VPS45: variants seen among roughly 807,000 people sequenced by gnomAD.
The protein encoded by VPS45 is vacuolar protein sorting-associated protein 45.
VPS45 carries 35 observed loss-of-function variants against 75.9 expected under a neutral mutation model. The ratio of observed to expected loss-of-function variants is 0.46; its 90% confidence interval spans 0.35 to 0.61. The LOEUF (loss-of-function observed/expected upper bound fraction) is 0.61, where lower values mean the gene tolerates loss of function less well. Among genes scored for constraint, VPS45 ranks in the 20% least tolerant of loss-of-function variants. The probability of loss-of-function intolerance (pLI) is 0.00; values close to 1 mark genes in which losing one functional copy is unlikely to be tolerated. For missense variants in VPS45, 559 were observed against 685.9 expected, an observed-to-expected ratio of 0.81 and a Z score of 2.07; for synonymous variants, 220 against 238.2, an observed-to-expected ratio of 0.92 and a Z score of 0.70.
At chr1:150,124,729 T>TTG (rs1436440612) in intron 14 of VPS45, among the ~76,000 whole-genome samples, 1 of 149,370 alleles carries the variant, frequency 6.7e-6, no homozygotes, top group Non-Finnish European at 1.5e-5. Flanking sequence ...TTTTTTTTTT[T>TTG]TGTATTTTTA....
At chr1:150,067,669 TC>T, upstream of VPS45, 1 of 549,152 alleles carries the variant, frequency 1.8e-6, no homozygotes, top group Non-Finnish European at 3.2e-6. Flanking sequence ...GATTTTTCCA[TC>T]CCCGGGGTAG....
intron 13 of VPS45, chr1:150,109,198 AT>A (rs1389983980): frequency 6.6e-6 from 1 of 151,922 alleles, no homozygotes; most frequent in Admixed American, 6.6e-5. Flanking sequence ...CGCCCAGCTA[AT>A]TTTGTATTTT....
intron 13 of VPS45, among the ~76,000 whole-genome samples, chr1:150,103,512 C>T (rs1657156509): frequency 6.6e-6 from 1 of 152,168 alleles, no homozygotes. Context: ...AAGAGCCTAT[C>T]CCTGTATCTA....
chr1:150,092,174 A>C, intron 11 of VPS45, 79 bp downstream of exon 11: 1 of 1,534,378 alleles, frequency 6.5e-7, no homozygotes, highest in Non-Finnish European at 8.9e-7. Flanking sequence ...ATGATAAATC[A>C]TACTATTTTT....
chr1:150,101,454 G>A (rs1438820922), intron 13 of VPS45, among the ~76,000 whole-genome samples: 1 of 151,962 alleles, frequency 6.6e-6, no homozygotes, highest in Non-Finnish European at 1.5e-5. Flanking sequence ...TCAAAAAATA[G>A]GCTGGGCATG....
At chr1:150,134,393 T>C (rs11587963) in intron 14 of VPS45, among the ~76,000 whole-genome samples, 3 of 152,130 alleles carry the variant, frequency 2.0e-5, no homozygotes, top group Middle Eastern at 3.2e-3. Context: ...ATAAAATATA[T>C]GTAGCATGTA....
At chr1:150,102,316 G>C (rs587745326) in intron 13 of VPS45, among the ~76,000 whole-genome samples, 5 of 151,102 alleles carry the variant, frequency 3.3e-5, no homozygotes, top group Non-Finnish European at 1.5e-5. Context: ...TCGGGAGGCC[G>C]AAGTGGGTGG....
intron 14 of VPS45, among the ~76,000 whole-genome samples, chr1:150,143,953 T>C (rs1439575227): frequency 6.6e-6 from 1 of 151,918 alleles, no homozygotes; most frequent in Non-Finnish European, 1.5e-5. Context: ...TACACACACA[T>C]GGCTTTAAAC....
At chr1:150,094,871 A>T (rs1656533109) in intron 13 of VPS45, among the ~76,000 whole-genome samples, 1 of 152,242 alleles carries the variant, frequency 6.6e-6, no homozygotes, top group Admixed American at 6.5e-5. Context: ...ACTGTATATG[A>T]TCAGTACACA....
At chr1:150,088,329 A>G (rs985925052) in intron 10 of VPS45, among the ~76,000 whole-genome samples, 7 of 150,860 alleles carry the variant, frequency 4.6e-5, no homozygotes, top group Non-Finnish European at 7.4e-5. Context: ...ATCGTGCACT[A>G]TTTGTCCTTC....
intron 6 of VPS45, 34 bp from the exon 7 acceptor site, chr1:150,077,635 G>A (rs782312950): frequency 1.4e-6 from 2 of 1,420,204 alleles, no homozygotes; most frequent in East Asian, 2.3e-5. Context: ...GTAACTAGAT[G>A]GTTGCACAAA....
intron 13 of VPS45, among the ~76,000 whole-genome samples, chr1:150,102,976 T>C (rs2101592284): frequency 6.6e-6 from 1 of 152,276 alleles, no homozygotes; most frequent in African/African-American, 2.4e-5. Flanking sequence ...TGACACATGC[T>C]TATGTAACAA....
intron 14 of VPS45, among the ~76,000 whole-genome samples, chr1:150,127,458 T>G (rs1553811044): frequency 3.3e-5 from 5 of 152,116 alleles, no homozygotes; most frequent in Non-Finnish European, 2.9e-5. Flanking sequence ...GTGCTAACTT[T>G]TTATTTTTTT....
Position 150,110,609 on chromosome 1 carries a change from C to T in VPS45, c.1607C>T (p.Thr536Ile). ...PGVRIVLGGT[T>I]VHNTKSFLEE... Reference sequence around the variant, plus strand: ...GTGAGGATTGTCCTGGGAGGCACCACAGTGCACAACACGAAAAGGTAAAAG... The same window carrying T: ...GTGAGGATTGTCCTGGGAGGCACCATAGTGCACAACACGAAAAGGTAAAAG... Residue 536 changes from threonine (T) to isoleucine (I), a missense_variant, in exon 14 of 15, where the codon ACA becomes ATA. Thr to Ile is a moderately conservative substitution (Grantham distance 89). Coordinates refer to ENST00000644510, the MANE Select transcript of VPS45 (RefSeq NM_007259.5). 6.2e-7 allele frequency: 1 copy of T among 1,611,050 alleles called. No homozygotes were observed. The highest frequency in any genetic ancestry group is 8.5e-7 in the Non-Finnish European group (1 of 1,178,424).
chr1:150,077,891 ATTC>A lies in VPS45; in HGVS notation c.687+115_687+117del, dbSNP rs1559904863. On this transcript the variant is annotated intron_variant, in intron 7 of 14. Transcript: ENST00000644510. The stretch of plus-strand genomic sequence containing the variant: ...TTTATTTGCCTCCTTATTTTTAGCT[ATTC>A]TTGGTTTTGCTTTGTATTTCCTGGT... 4.6e-6 allele frequency: 4 copies of A among 873,910 alleles called. No individual in the cohort carries two copies. In the African/African-American group the frequency reaches 6.8e-5, roughly 15 times the overall value. The allele number at this position is 873,910 out of a possible 1,614,324, so 54.1% of individuals were successfully genotyped here. A position where few individuals can be genotyped will look rare whatever the true frequency, so the allele number is the denominator to read the frequency against.
chr1:150,144,857 T>C lies in VPS45; in HGVS notation c.*61T>C. On this transcript the variant is annotated 3_prime_UTR_variant, in exon 15 of 15. Transcript: ENST00000644510. ...TGTCCCCACTACAGGTTTTCCCTAC[T>C]AAACAAAGGTGTTGGAGAGCAGCTT... The C allele has an allele frequency of 6.2e-7, 1 of 1,609,966 alleles. No homozygotes were observed. Among genetic ancestry groups the C allele is most frequent in the Non-Finnish European group, 8.5e-7 (1 of 1,178,500 alleles).
rs1213071748 is a variant in VPS45 at position 150,067,820 on chromosome 1, G to A, written c.-38G>A. 1 of 1,601,642 alleles carries A rather than the reference G, an allele frequency of 6.2e-7. No homozygotes were observed. The highest frequency in any genetic ancestry group is 8.5e-7 in the Non-Finnish European group (1 of 1,169,594). On this transcript the variant is annotated 5_prime_UTR_variant, in exon 1 of 15. Transcript: ENST00000644510. Reference sequence around the variant, plus strand: ...GGGGGTTAATTTAGCCAGAAAAGGGGGCGGGAAGGGCTGTAGGGTACTTGT... The same window carrying A: ...GGGGGTTAATTTAGCCAGAAAAGGGAGCGGGAAGGGCTGTAGGGTACTTGT...
intron 10 of VPS45, among the ~76,000 whole-genome samples, chr1:150,085,621 C>G (rs1655963423): frequency 1.3e-5 from 2 of 151,810 alleles, no homozygotes; most frequent in Admixed American, 6.6e-5. Context: ...GGCCTGACTT[C>G]TAGAGGGGTT....
chr1:150,099,206 T>A, intron 13 of VPS45: 1 of 417,808 alleles, frequency 2.4e-6, no homozygotes, highest in East Asian at 1.6e-4. Context: ...ATGTTAAAAA[T>A]TCTCAATAAG....
Sources: allele counts gnomAD v4.1 joint callset (sites outside exome capture counted in the v4.1 genomes callset), GRCh38; gene constraint gnomAD v4.1.1; transcripts MANE v1.5; gene names NCBI Gene and HGNC (gene_info 2026-07-23, HGNC 2026-07-21).